ZMIZ1: variants seen among roughly 807,000 people sequenced by gnomAD.
The protein encoded by ZMIZ1 is zinc finger MIZ domain-containing protein 1.
ZMIZ1 carries 17 observed loss-of-function variants against 113.9 expected under a neutral mutation model. The ratio of observed to expected loss-of-function variants is 0.15; its 90% CI spans 0.10 to 0.22. The LOEUF (loss-of-function observed/expected upper bound fraction) is 0.22, where lower values mean the gene tolerates loss of function less well. Ranked by LOEUF, ZMIZ1 falls within the 10% of genes least tolerant of loss-of-function variation. The probability of loss-of-function intolerance (pLI) is 1.00; values close to 1 mark genes in which losing one functional copy is unlikely to be tolerated. For synonymous variants in ZMIZ1, 607 were observed against 603.1 expected (o/e 1.01, Z -0.09); for missense variants, 1,059 against 1,477.8 (o/e 0.72, Z 4.65).
chr10:79,135,779 G>C (rs1195857300), intron 2 of ZMIZ1, among the ~76,000 whole-genome samples: 1 of 152,174 alleles, frequency 6.6e-6, no homozygotes, highest in Non-Finnish European at 1.5e-5. Context: ...TCCTCTATAA[G>C]ATGGGGACAG....
At chr10:79,212,182 G>C (rs1242281089) in intron 6 of ZMIZ1, among the ~76,000 whole-genome samples, 1 of 151,548 alleles carries the variant, frequency 6.6e-6, no homozygotes, top group Non-Finnish European at 1.5e-5. Context: ...TTTAGAGACA[G>C]TGTCTTGCTC....
intron 7 of ZMIZ1, among the ~76,000 whole-genome samples, chr10:79,233,229 C>T (rs1055838466): frequency 3.3e-5 from 5 of 152,250 alleles, no homozygotes; most frequent in Non-Finnish European, 7.3e-5. Context: ...CATCCTGCAT[C>T]GCAGCTGGGG....
At chr10:79,143,428 T>C (rs1366515205) in intron 3 of ZMIZ1, among the ~76,000 whole-genome samples, 3 of 152,146 alleles carry the variant, frequency 2.0e-5, no homozygotes, top group Non-Finnish European at 4.4e-5. Context: ...ACAGCAGAGT[T>C]GTGGGTCTTG....
chr10:79,170,616 G>A (rs573315876), intron 4 of ZMIZ1, among the ~76,000 whole-genome samples: 10 of 152,346 alleles, frequency 6.6e-5, no homozygotes, highest in East Asian at 1.9e-4. Flanking sequence ...GAGGTAGGGC[G>A]GAGGCCAGAG....
chr10:79,108,099 A>C (rs1843620562), intron 1 of ZMIZ1, among the ~76,000 whole-genome samples: 1 of 152,084 alleles, frequency 6.6e-6, no homozygotes, highest in Admixed American at 6.5e-5. Flanking sequence ...AGACCCATTT[A>C]TTCTGCCACT....
rs1166549491 is a variant in ZMIZ1 at position 79,306,197 on chromosome 10, C to T, written c.2521C>T (p.Pro841Ser). 6.2e-7 allele frequency: 1 copy of T among 1,614,172 alleles called. No individual in the cohort carries two copies. Among genetic ancestry groups the T allele is most frequent in the African/African-American group, 1.3e-5 (1 of 75,052 alleles). Residue 841 changes from proline to serine, a missense_variant, in exon 22 of 25, where the codon CCC becomes TCC. Around this residue, in one of 6 missense-constraint regions of ZMIZ1, gnomAD observed 217 missense variants for 426.9 expected, o/e 0.51. Transcript: ENST00000334512. ...CATCAAGGACGACCCTGATGGCATC[C>T]CCTCCAAGCGGTTCAAGACCATGAG... Reference protein sequence around the residue: ...LHIKDDPDGIPSKRFKTMSPS... With the variant: ...LHIKDDPDGISSKRFKTMSPS...
chr10:79,092,044 C>T (rs983320477), intron 1 of ZMIZ1, among the ~76,000 whole-genome samples: 1 of 152,116 alleles, frequency 6.6e-6, no homozygotes, highest in African/African-American at 2.4e-5. Flanking sequence ...GTGCTGTTCC[C>T]ACCAGCCCCG....
At chr10:79,098,526 T>C (rs144800999) in intron 1 of ZMIZ1, among the ~76,000 whole-genome samples, 57 of 152,350 alleles carry the variant, frequency 3.7e-4, no homozygotes, top group African/African-American at 1.3e-3. Flanking sequence ...TTAATACTTG[T>C]ATGAGTGCCT....
intron 3 of ZMIZ1, among the ~76,000 whole-genome samples, chr10:79,157,638 C>G (rs1371414180): frequency 6.6e-6 from 1 of 152,124 alleles, no homozygotes; most frequent in Non-Finnish European, 1.5e-5. Flanking sequence ...TGGGCCTTGG[C>G]CTGCACCCTG....
chr10:79,229,283 G>A (rs1339343344), intron 7 of ZMIZ1, among the ~76,000 whole-genome samples: 1 of 152,264 alleles, frequency 6.6e-6, no homozygotes, highest in East Asian at 1.9e-4. Context: ...CAGATGGCTG[G>A]AGGGAAGCAG....
chr10:79,242,914 T>C (rs1426843315), intron 7 of ZMIZ1, among the ~76,000 whole-genome samples: 4 of 151,606 alleles, frequency 2.6e-5, no homozygotes, highest in Admixed American at 1.3e-4. Flanking sequence ...CTCCGATTCA[T>C]ACTCGCTCGC....
chr10:79,156,380 G>A lies in ZMIZ1; in HGVS notation c.-130-5673G>A, dbSNP rs369449683. On this transcript the variant is annotated intron_variant, in intron 3 of 24. Transcript: ENST00000334512. Reference sequence around the variant, plus strand: ...ACAGGAACTTCCCACACATGGAGGCGTCCTGAGGGCCCAGCAGCAGGTACC... The same window carrying A: ...ACAGGAACTTCCCACACATGGAGGCATCCTGAGGGCCCAGCAGCAGGTACC... Among the ~76,000 whole-genome samples, 52 of 152,208 alleles carry A rather than the reference G, an allele frequency of 3.4e-4. 1 individual carries two copies. Among genetic ancestry groups the A allele is most frequent in the African/African-American group, 9.9e-4 (41 of 41,536 alleles).
chr10:79,260,242 G>A (rs941885036), intron 7 of ZMIZ1, among the ~76,000 whole-genome samples: 1 of 152,268 alleles, frequency 6.6e-6, no homozygotes. Context: ...GCTGGCGAAT[G>A]TAGCACATGG....
intron 6 of ZMIZ1, among the ~76,000 whole-genome samples, chr10:79,214,938 A>T (rs1564529681): frequency 6.6e-6 from 1 of 152,170 alleles, no homozygotes; most frequent in South Asian, 2.1e-4. Context: ...CAGCTTGCAA[A>T]GCCACCCAAG....
chr10:79,261,468 C>T (rs533819088), intron 7 of ZMIZ1, among the ~76,000 whole-genome samples: 2 of 152,336 alleles, frequency 1.3e-5, no homozygotes, highest in South Asian at 2.1e-4. Flanking sequence ...TGACGGCTCC[C>T]TCCCCCAGCT....
intron 23 of ZMIZ1, among the ~76,000 whole-genome samples, chr10:79,310,648 C>T (rs540896050): frequency 2.6e-5 from 4 of 152,034 alleles, no homozygotes; most frequent in South Asian, 2.1e-4. Flanking sequence ...CCCAGCTCCC[C>T]GTGTCTGTGC....
intron 17 of ZMIZ1, among the ~76,000 whole-genome samples, chr10:79,301,900 TTCAGTG>T (rs1034384848): frequency 6.6e-6 from 1 of 152,068 alleles, no homozygotes; most frequent in African/African-American, 2.4e-5. Context: ...CAGGGAGTAT[TTCAGTG>T]TCAAAGTCCA....
At chr10:79,273,831 T>A (rs1360707699) in intron 7 of ZMIZ1, among the ~76,000 whole-genome samples, 1 of 152,256 alleles carries the variant, frequency 6.6e-6, no homozygotes, top group African/African-American at 2.4e-5. Context: ...GTGGGTCTAA[T>A]GGCATTCATT....
At chr10:79,185,230 TAA>T (rs1847303463) in intron 4 of ZMIZ1, among the ~76,000 whole-genome samples, 1 of 151,714 alleles carries the variant, frequency 6.6e-6, no homozygotes, top group Admixed American at 6.6e-5. Flanking sequence ...CTTTAGCTGT[TAA>T]GACGCCCCCC....
Sources: gnomAD v4.1 joint callset for allele counts (sites outside exome capture counted in the v4.1 genomes callset) on GRCh38, gnomAD v4.1.1 for gene constraint, gnomAD v4.1.1 regional missense constraint, MANE v1.5 for transcripts, NCBI Gene and HGNC (gene_info 2026-07-23, HGNC 2026-07-21) for gene names.